The following DOCK1 variants were observed in gnomAD, a reference collection of about 807,000 sequenced individuals.
The protein encoded by DOCK1 is dedicator of cytokinesis protein 1.
In DOCK1, 138 loss-of-function variants were observed where a neutral mutation model predicts 262.7. The ratio of observed to expected loss-of-function variants is 0.53; its 90% confidence interval spans 0.46 to 0.61. The LOEUF (loss-of-function observed/expected upper bound fraction) is 0.61. Ranked by LOEUF, DOCK1 falls within the 20% of genes least tolerant of loss-of-function variation. DOCK1 has a pLI of 0.00. For synonymous variants in DOCK1, 866 were observed against 867.4 expected (o/e 1.00, Z 0.03); for missense variants, 1,908 against 2,370.7 (o/e 0.80, Z 4.05).
intron 45 of DOCK1, among the ~76,000 whole-genome samples, chr10:127,419,216 C>T (rs148738765): frequency 2.9e-3 from 443 of 152,288 alleles, no homozygotes; most frequent in African/African-American, 9.3e-3. Context: ...CTAGACAGAG[C>T]AAAAACTGAG....
At chr10:126,908,244 A>T (rs1189556044) in intron 1 of DOCK1, among the ~76,000 whole-genome samples, 1 of 152,202 alleles carries the variant, frequency 6.6e-6, no homozygotes, top group Admixed American at 6.5e-5. Context: ...CTGACTGGGA[A>T]GGATGTAGGT....
chr10:126,937,143 T>C (rs1161592518), intron 1 of DOCK1, among the ~76,000 whole-genome samples: 1 of 152,240 alleles, frequency 6.6e-6, no homozygotes, highest in Non-Finnish European at 1.5e-5. Context: ...AATGGTTCAC[T>C]GTATTTTAGC....
rs191453719 is a variant in DOCK1 at position 127,218,895 on chromosome 10, G to A, written c.2848-29113G>A. 5.5e-4 allele frequency among the ~76,000 whole-genome samples: 83 copies of A among 152,254 alleles called. No homozygotes were observed. In the East Asian group the frequency reaches 7.1e-3, roughly 13 times the overall value. Reference sequence around the variant, plus strand: ...GTCTGCTCTCTACTTCCAAGATGGCGCCTTGTTGCTTCATCCTCTGGAGGG... The same window carrying A: ...GTCTGCTCTCTACTTCCAAGATGGCACCTTGTTGCTTCATCCTCTGGAGGG... On this transcript the variant is annotated intron_variant, in intron 27 of 51. Coordinates refer to ENST00000623213, the MANE Select transcript of DOCK1 (RefSeq NM_001290223.2).
At chr10:127,157,993 A>G (rs192884037) in intron 27 of DOCK1, among the ~76,000 whole-genome samples, 1 of 152,336 alleles carries the variant, frequency 6.6e-6, no homozygotes, top group Non-Finnish European at 1.5e-5. Flanking sequence ...GCTTAAAACT[A>G]TGTAATCCAT....
At chr10:126,982,723 T>G (rs2134865718) in intron 4 of DOCK1, among the ~76,000 whole-genome samples, 1 of 152,298 alleles carries the variant, frequency 6.6e-6, no homozygotes, top group South Asian at 2.1e-4. Context: ...CATAGTTCCA[T>G]GATGCATACT....
intron 24 of DOCK1, among the ~76,000 whole-genome samples, chr10:127,107,019 G>A (rs868477653): frequency 6.6e-6 from 1 of 151,938 alleles, no homozygotes; most frequent in East Asian, 1.9e-4. Context: ...GTGCAGTGGC[G>A]CGATCATAGC....
chr10:126,967,669 C>T (rs953579010), intron 1 of DOCK1, among the ~76,000 whole-genome samples: 36 of 152,198 alleles, frequency 2.4e-4, no homozygotes, highest in African/African-American at 7.2e-4. Context: ...CTGTGTTCCT[C>T]GGCTTGTTTT....
intron 18 of DOCK1, among the ~76,000 whole-genome samples, chr10:127,036,934 G>A (rs1228685369): frequency 4.9e-5 from 7 of 143,336 alleles, no homozygotes; most frequent in African/African-American, 1.5e-4. Flanking sequence ...CTGAGATTGC[G>A]CCATTGCACT....
intron 27 of DOCK1, among the ~76,000 whole-genome samples, chr10:127,233,270 A>G (rs558176038): frequency 6.6e-6 from 1 of 152,334 alleles, no homozygotes; most frequent in East Asian, 1.9e-4. Flanking sequence ...AATTTTGATA[A>G]GATTGATGAA....
At chr10:127,410,491 G>A (rs533904396) in intron 42 of DOCK1, among the ~76,000 whole-genome samples, 2 of 152,300 alleles carry the variant, frequency 1.3e-5, no homozygotes, top group Admixed American at 6.5e-5. Context: ...CTGAAACTAA[G>A]GTATGTAATA....
rs991924257 is a variant in DOCK1 at position 126,948,781 on chromosome 10, G to A, written c.47-21921G>A. Among the ~76,000 whole-genome samples the A allele has an allele frequency of 1.3e-4, 20 of 152,074 alleles. 1 individual carries two copies. Among genetic ancestry groups the A allele is most frequent in the Admixed American group, 6.6e-5 (1 of 15,266 alleles). On this transcript the variant is annotated intron_variant, in intron 1 of 51. Coordinates refer to ENST00000623213, the MANE Select transcript of DOCK1 (RefSeq NM_001290223.2). ...CCCCTCCCTGGAATCATTGTGAGCT[G>A]CTCTGATCCTTTGGGCTGGATTTTC...
chr10:127,116,501 T>C (rs1350885206), intron 25 of DOCK1, among the ~76,000 whole-genome samples: 1 of 152,152 alleles, frequency 6.6e-6, no homozygotes, highest in East Asian at 1.9e-4. Context: ...TACACTATTA[T>C]CATTGTGATT....
intron 27 of DOCK1, chr10:127,127,978 A>G: frequency 2.8e-6 from 1 of 363,356 alleles, no homozygotes; most frequent in Admixed American, 4.5e-5. Context: ...TTGTTTTCTC[A>G]TTACTTACTT....
intron 25 of DOCK1, among the ~76,000 whole-genome samples, chr10:127,121,503 GTC>G (rs1169691765): frequency 1.4e-5 from 2 of 143,296 alleles, no homozygotes; most frequent in African/African-American, 2.5e-5. Flanking sequence ...CTGTCCATCT[GTC>G]TGTTTTTGTA....
intron 27 of DOCK1, among the ~76,000 whole-genome samples, chr10:127,241,977 C>T (rs2059281173): frequency 6.6e-6 from 1 of 152,174 alleles, no homozygotes; most frequent in African/African-American, 2.4e-5. Context: ...TCCTGAGTAC[C>T]TGGCACCCTC....
chr10:127,190,298 C>T (rs1418807498), intron 27 of DOCK1, among the ~76,000 whole-genome samples: 1 of 152,120 alleles, frequency 6.6e-6, no homozygotes, highest in Non-Finnish European at 1.5e-5. Context: ...ACTGTTCAGC[C>T]CTGGAAGCCG....
intron 1 of DOCK1, among the ~76,000 whole-genome samples, chr10:126,934,747 G>GTTTTTTTTTT (rs1166445414): frequency 5.6e-3 from 600 of 107,426 alleles, no homozygotes; most frequent in Non-Finnish European, 6.4e-3. Flanking sequence ...GAATTTACGA[G>GTTTTTTTTTT]TTTTTTTTTT....
rs549374587 is a variant in DOCK1 at position 126,968,270 on chromosome 10, C to G, written c.47-2432C>G. On this transcript the variant is annotated intron_variant, in intron 1 of 51. Transcript: ENST00000623213. The stretch of plus-strand genomic sequence containing the variant: ...TTGTCAAATACCCTTGCAAGGCTGG[C>G]TTTTAATTTGTCTTCATATATGGGA... 2.7e-5 allele frequency among the ~76,000 whole-genome samples: 4 copies of G among 150,030 alleles called. No individual in the cohort carries two copies. The East Asian group carries it at 8.0e-4, about 30-fold the overall frequency.
chr10:127,045,276 T>G (rs1417088828), intron 21 of DOCK1, among the ~76,000 whole-genome samples: 3 of 151,450 alleles, frequency 2.0e-5, no homozygotes, highest in African/African-American at 7.3e-5. Flanking sequence ...ATTTTTATTG[T>G]GGAAAATAAG....
Sources: gnomAD v4.1 joint callset for allele counts (sites outside exome capture counted in the v4.1 genomes callset) on GRCh38, gnomAD v4.1.1 for gene constraint, MANE v1.5 for transcripts, NCBI Gene and HGNC (gene_info 2026-07-23, HGNC 2026-07-21) for gene names.